Variants in GRM5 observed in about 807,000 individuals in gnomAD.
The protein encoded by GRM5 is metabotropic glutamate receptor 5.
In GRM5, 19 loss-of-function variants were observed where a neutral mutation model predicts 83.1. That is an observed-to-expected ratio of 0.23 (90% CI 0.16 to 0.34). GRM5 has a LOEUF of 0.34. GRM5 is among the 10% of genes least tolerant of loss of function. The pLI is 1.00. For synonymous variants in GRM5, 675 were observed against 633.6 expected (o/e 1.07, Z -0.98); for missense variants, 1,160 against 1,588.3 (o/e 0.73, Z 4.58).
intron 3 of GRM5, among the ~76,000 whole-genome samples, chr11:88,757,344 C>T (rs1017893550): frequency 2.0e-5 from 3 of 152,170 alleles, no homozygotes; most frequent in African/African-American, 7.2e-5. Context: ...TGCACTCTGC[C>T]ATGCCTCTGC....
chr11:89,041,342 C>G (rs1397614274), intron 2 of GRM5, among the ~76,000 whole-genome samples: 1 of 152,172 alleles, frequency 6.6e-6, no homozygotes, highest in Non-Finnish European at 1.5e-5. Context: ...CTTAGTCATC[C>G]TGGACATGGA....
rs146162205 is a variant in GRM5 at position 88,703,762 on chromosome 11, A to T, written c.912-50359T>A. Among the ~76,000 whole-genome samples, 617 of 152,198 alleles carry T rather than the reference A, an allele frequency of 4.1e-3. 3 individuals carry two copies. Among genetic ancestry groups the T allele is most frequent in the African/African-American group, 0.014 (595 of 41,546 alleles). ...GGGAAGGATCAAACTATAATCATTA[A>T]AATAATAATACAATAAATGCAGTAC... On this transcript the variant is annotated intron_variant, in intron 3 of 9. Transcript: ENST00000305447.
intron 2 of GRM5, among the ~76,000 whole-genome samples, chr11:89,033,290 A>T (rs1367036248): frequency 6.7e-6 from 1 of 149,914 alleles, no homozygotes; most frequent in Non-Finnish European, 1.5e-5. Flanking sequence ...TGGTTTCCAG[A>T]GCAATTCCAA....
chr11:88,790,112 C>T (rs1262330086), intron 3 of GRM5, among the ~76,000 whole-genome samples: 1 of 152,182 alleles, frequency 6.6e-6, no homozygotes, highest in Non-Finnish European at 1.5e-5. Flanking sequence ...GATCCACCCT[C>T]CTCAGCCTCC....
At chr11:88,678,373 A>G (rs1015579341) in intron 3 of GRM5, among the ~76,000 whole-genome samples, 3 of 152,056 alleles carry the variant, frequency 2.0e-5, no homozygotes, top group African/African-American at 7.2e-5. Flanking sequence ...TGCATTTTCA[A>G]CTGCTCTAGT....
intron 4 of GRM5, among the ~76,000 whole-genome samples, chr11:88,643,722 C>G (rs1234725456): frequency 6.6e-6 from 1 of 151,444 alleles, no homozygotes; most frequent in East Asian, 1.9e-4. Flanking sequence ...TTCCGGTATT[C>G]TAGCTACTCT....
At chr11:88,870,708 C>A (rs945537881) in intron 2 of GRM5, among the ~76,000 whole-genome samples, 1 of 151,384 alleles carries the variant, frequency 6.6e-6, no homozygotes, top group African/African-American at 2.4e-5. Context: ...AAGGAATCTA[C>A]AAAACGACAT....
chr11:88,638,110 A>T lies in GRM5; in HGVS notation c.1147+15058T>A, dbSNP rs947308521. On this transcript the variant is annotated intron_variant, in intron 4 of 9. Transcript: ENST00000305447. ...CTTAGGTGGGAATTGAACAATGAGA[A>T]CACATGGACACAGGAAGGGGAACAT... 4.3e-5 allele frequency among the ~76,000 whole-genome samples: 6 copies of T among 140,670 alleles called. 1 individual carries two copies. The South Asian group carries it at 1.4e-3, about 32-fold the overall frequency. The allele number at this position is 140,670 out of a possible 152,430, so 92.3% of individuals were successfully genotyped here. A position where few individuals can be genotyped will look rare whatever the true frequency, so the allele number is the denominator to read the frequency against.
chr11:89,024,722 T>G (rs1941087264), intron 2 of GRM5, among the ~76,000 whole-genome samples: 1 of 152,214 alleles, frequency 6.6e-6, no homozygotes, highest in African/African-American at 2.4e-5. Flanking sequence ...AATTCTTATG[T>G]GTATTACTGG....
chr11:88,915,829 T>G (rs1330786313), intron 2 of GRM5, among the ~76,000 whole-genome samples: 1 of 152,176 alleles, frequency 6.6e-6, no homozygotes, highest in African/African-American at 2.4e-5. Flanking sequence ...AGAGGTTTTG[T>G]TGTGCAGACA....
At chr11:88,570,915 G>C (rs1942986249) in intron 7 of GRM5, among the ~76,000 whole-genome samples, 1 of 151,550 alleles carries the variant, frequency 6.6e-6, no homozygotes, top group African/African-American at 2.4e-5. Flanking sequence ...GCAATGATTT[G>C]ACAATAAAAT....
At chr11:88,899,347 G>A (rs943864301) in intron 2 of GRM5, among the ~76,000 whole-genome samples, 7 of 151,820 alleles carry the variant, frequency 4.6e-5, no homozygotes, top group Non-Finnish European at 8.8e-5. Flanking sequence ...CCTGAGATAG[G>A]AGAGTAATAT....
At chr11:88,615,820 T>C (rs1233482866) in intron 4 of GRM5, among the ~76,000 whole-genome samples, 8 of 152,118 alleles carry the variant, frequency 5.3e-5, no homozygotes, top group Admixed American at 5.3e-4. Context: ...GGGAATTTTC[T>C]TGCCTCTTAT....
chr11:89,019,654 G>A (rs1181027800), intron 2 of GRM5, among the ~76,000 whole-genome samples: 3 of 152,016 alleles, frequency 2.0e-5, no homozygotes, highest in South Asian at 2.1e-4. Context: ...GCAATGAGCC[G>A]AGAATACACT....
chr11:89,018,237 T>A (rs1940905399), intron 2 of GRM5, among the ~76,000 whole-genome samples: 1 of 152,144 alleles, frequency 6.6e-6, no homozygotes, highest in Non-Finnish European at 1.5e-5. Context: ...GGCCAAATAG[T>A]TGTGCTTAAC....
At chr11:88,963,386 G>A (rs566106895) in intron 2 of GRM5, among the ~76,000 whole-genome samples, 3 of 152,310 alleles carry the variant, frequency 2.0e-5, no homozygotes, top group Non-Finnish European at 2.9e-5. Flanking sequence ...TAACCATACA[G>A]TTAGTTAGGT....
intron 8 of GRM5, among the ~76,000 whole-genome samples, chr11:88,564,224 GC>G (rs968709005): frequency 6.6e-6 from 1 of 152,118 alleles, no homozygotes; most frequent in African/African-American, 2.4e-5. Flanking sequence ...CCAAACACTT[GC>G]CAAAGGTTTC....
At chr11:88,935,888 T>C (rs1937876543) in intron 2 of GRM5, among the ~76,000 whole-genome samples, 1 of 151,958 alleles carries the variant, frequency 6.6e-6, no homozygotes, top group Non-Finnish European at 1.5e-5. Context: ...ACAGAATTTA[T>C]TTGGGGTAAC....
At chr11:88,971,260 G>A (rs1939156191) in intron 2 of GRM5, among the ~76,000 whole-genome samples, 1 of 152,078 alleles carries the variant, frequency 6.6e-6, no homozygotes, top group Admixed American at 6.6e-5. Flanking sequence ...TGTATACATA[G>A]ATTTGCTTTT....
Sources: allele counts gnomAD v4.1 joint callset (sites outside exome capture counted in the v4.1 genomes callset), GRCh38; gene constraint gnomAD v4.1.1; transcripts MANE v1.5; gene names NCBI Gene and HGNC (gene_info 2026-07-23, HGNC 2026-07-21).